Variants in ZSCAN25 observed in about 807,000 individuals in gnomAD.
ZSCAN25 encodes the protein zinc finger and SCAN domain-containing protein 25.
ZSCAN25 carries 27 observed loss-of-function variants against 38.7 expected under a neutral mutation model. The ratio of observed to expected loss-of-function variants is 0.70; its 90% confidence interval spans 0.51 to 0.96. The LOEUF (loss-of-function observed/expected upper bound fraction) is 0.96. Among genes scored for constraint, ZSCAN25 ranks in the 40% least tolerant of loss-of-function variants. The pLI is 0.00. For synonymous variants in ZSCAN25, 273 were observed against 277.7 expected, an observed-to-expected ratio of 0.98 and a Z score of 0.17; for missense variants, 637 against 705.9, an observed-to-expected ratio of 0.90 and a Z score of 1.11.
chr7:99,710,837 A>G, the ZSCAN25 span: 3 of 1,613,880 alleles, frequency 1.9e-6, no homozygotes, highest in East Asian at 2.2e-5. Context: ...TCGTGGTTTC[A>G]TAGCCAGCAA....
At chr7:99,733,190 C>T in the ZSCAN25 span, among the ~76,000 whole-genome samples, 1 of 152,156 alleles carries the variant, frequency 6.6e-6, no homozygotes, top group Non-Finnish European at 1.5e-5. Context: ...TTGTCACAGC[C>T]ATGGAAAATC....
the ZSCAN25 span, chr7:99,671,207 C>G: frequency 6.5e-6 from 1 of 154,020 alleles, no homozygotes; most frequent in Non-Finnish European, 1.4e-5. Context: ...CACTGTGGCC[C>G]AGGGAAGCCA....
the ZSCAN25 span, among the ~76,000 whole-genome samples, chr7:99,640,538 C>A: frequency 6.6e-6 from 1 of 152,220 alleles, no homozygotes; most frequent in Non-Finnish European, 1.5e-5. Context: ...CTTCTCCCAT[C>A]ATAGGCAATG....
chr7:99,651,217 G>A, the ZSCAN25 span, among the ~76,000 whole-genome samples: 461 of 152,088 alleles, frequency 3.0e-3, 1 homozygote, highest in Non-Finnish European at 4.8e-3. Flanking sequence ...GGCTGGTGTC[G>A]GTAACATGTA....
chr7:99,729,697 A>G, the ZSCAN25 span, among the ~76,000 whole-genome samples: 3 of 152,052 alleles, frequency 2.0e-5, no homozygotes, highest in Admixed American at 6.6e-5. Context: ...TTCTCTGCAC[A>G]ATGAGTCTTA....
At chr7:99,710,674 G>C in the ZSCAN25 span, 1 of 1,612,668 alleles carries the variant, frequency 6.2e-7, no homozygotes, top group Non-Finnish European at 8.5e-7. Context: ...AAGTGGTGAG[G>C]AAGCATCTTT....
chr7:99,650,214 G>T, the ZSCAN25 span: 4 of 1,613,560 alleles, frequency 2.5e-6, no homozygotes, highest in Non-Finnish European at 3.4e-6. Context: ...GATCTATGCT[G>T]TCCTTCTTCT....
the ZSCAN25 span, among the ~76,000 whole-genome samples, chr7:99,722,059 A>G: frequency 6.6e-6 from 1 of 152,210 alleles, no homozygotes; most frequent in Non-Finnish European, 1.5e-5. Context: ...TCTGTGGAAC[A>G]TCTTTGTCTT....
the ZSCAN25 span, chr7:99,664,170 C>T: frequency 4.2e-6 from 5 of 1,182,520 alleles, no homozygotes; most frequent in Non-Finnish European, 6.1e-6. Context: ...ATAATTTTCT[C>T]TACCAGTAAT....
At chr7:99,731,510 C>G in the ZSCAN25 span, among the ~76,000 whole-genome samples, 1 of 152,272 alleles carries the variant, frequency 6.6e-6, no homozygotes, top group Admixed American at 6.5e-5. Flanking sequence ...GGACTCTTCC[C>G]TGATTTTGGG....
chr7:99,660,986 A>T, the ZSCAN25 span, among the ~76,000 whole-genome samples: 2 of 152,186 alleles, frequency 1.3e-5, no homozygotes, highest in African/African-American at 4.8e-5. Context: ...GCCTTGAATG[A>T]TCCTAAAAGT....
At chr7:99,724,714 A>G in the ZSCAN25 span, among the ~76,000 whole-genome samples, 1 of 151,980 alleles carries the variant, frequency 6.6e-6, no homozygotes, top group Non-Finnish European at 1.5e-5. Context: ...CCTGCCCAAC[A>G]ATTTTCTCTT....
chr7:99,629,798 C>G lies in ZSCAN25; in HGVS notation c.1413C>G (p.Ala471=). ...CECGKSFSRN[A]NLAVHRRAHT... is the part of the protein sequence containing the mutation. ...GTGGCAAGAGCTTCAGCAGGAATGC[C>G]AATCTGGCGGTGCACCGGCGTGCCC... is the stretch of plus-strand genomic sequence containing the variant. The change falls in exon 8 of 8, where the codon GCC becomes GCG. Residue 471 remains alanine (A), a synonymous_variant. Coordinates refer to ENST00000394152, the MANE Select transcript of ZSCAN25 (RefSeq NM_145115.3). The surrounding 1 kb of genome is among the most constrained non-coding windows in gnomAD (Gnocchi z 5.6). The G allele has an allele frequency of 6.2e-7, 1 of 1,614,214 alleles. No homozygotes were observed. The highest frequency in any genetic ancestry group is 8.5e-7 in the Non-Finnish European group (1 of 1,180,044).
In ZSCAN25 at chr7:99,619,902, A is replaced by G. The variant is rs999418769; in HGVS notation, c.296A>G (p.Tyr99Cys). Residue 99 changes from tyrosine (Y) to cysteine (C), a missense_variant, in exon 4 of 8, where the codon TAC becomes TGC. Tyr to Cys is a radical substitution (Grantham distance 194, BLOSUM62 -2). Coordinates refer to ENST00000394152, the MANE Select transcript of ZSCAN25 (RefSeq NM_145115.3). Reference sequence around the variant, plus strand: ...CTCACTATCCTGCCCCGCGAGTTCTACGCCTGGATCCGGGAGCATGGCCCA... The same window carrying G: ...CTCACTATCCTGCCCCGCGAGTTCTGCGCCTGGATCCGGGAGCATGGCCCA... ...QFLTILPREFYAWIREHGPES... is the reference protein window; with the variant it reads ...QFLTILPREFCAWIREHGPES... 6.2e-7 allele frequency: 1 copy of G among 1,614,234 alleles called. No individual in the cohort carries two copies. Among genetic ancestry groups the G allele is most frequent in the Non-Finnish European group, 8.5e-7 (1 of 1,180,050 alleles).
At chr7:99,660,057 ACTGCACCCACTGTC>A in the ZSCAN25 span, 2 of 306,960 alleles carry the variant, frequency 6.5e-6, no homozygotes, top group Non-Finnish European at 9.5e-6. Context: ...GGCTGGGTGC[ACTGCACCCACTGTC>A]CTGCACCCAC....
the ZSCAN25 span, among the ~76,000 whole-genome samples, chr7:99,695,021 T>C: frequency 2.0e-5 from 3 of 152,184 alleles, no homozygotes; most frequent in African/African-American, 7.2e-5. Context: ...TGCTTAAATA[T>C]CTGAGTTTGA....
the ZSCAN25 span, among the ~76,000 whole-genome samples, chr7:99,650,854 A>G: frequency 6.6e-6 from 1 of 152,150 alleles, no homozygotes; most frequent in Admixed American, 6.5e-5. Context: ...TTACATGGGC[A>G]TATGATGCTA....
At chr7:99,635,927 G>A (rs1170449835), downstream of ZSCAN25, among the ~76,000 whole-genome samples, 2 of 151,266 alleles carry the variant, frequency 1.3e-5, no homozygotes, top group East Asian at 1.9e-4. Context: ...GGCCCCTGTA[G>A]TCCCAACTAC....
chr7:99,666,626 T>A, the ZSCAN25 span: 1 of 1,613,848 alleles, frequency 6.2e-7, no homozygotes, highest in Admixed American at 1.7e-5. Context: ...GGCTTGCCTT[T>A]CTCTGCTTCC....
Sources: gnomAD v4.1 joint callset for allele counts (sites outside exome capture counted in the v4.1 genomes callset) on GRCh38, gnomAD v4.1.1 for gene constraint, Gnocchi (gnomAD v3.1) non-coding constraint, MANE v1.5 for transcripts, NCBI Gene and HGNC (gene_info 2026-07-23, HGNC 2026-07-21) for gene names.